Variants in VPS54 observed in about 807,000 individuals in gnomAD.
VPS54 encodes the protein vacuolar protein sorting-associated protein 54.
VPS54 carries 45 observed loss-of-function variants against 121.5 expected under a neutral mutation model. That is an observed-to-expected ratio of 0.37 (90% CI 0.29 to 0.47). VPS54 has a LOEUF of 0.47. VPS54 is among the 20% of genes least tolerant of loss of function. The pLI is 0.99. For missense variants in VPS54, 1,090 were observed against 1,131.4 expected (o/e 0.96, Z 0.52); for synonymous variants, 371 against 385.8 (o/e 0.96, Z 0.45).
At position 63,949,175 on chromosome 2, in the gene VPS54, G is replaced by T; in HGVS notation, c.1011-12C>A. The T allele has an allele frequency of 6.3e-7, 1 of 1,599,250 alleles. No individual in the cohort carries two copies. Among genetic ancestry groups the T allele is most frequent in the Non-Finnish European group, 8.5e-7 (1 of 1,176,604 alleles). ...GTGATCCCAAATGCCTAAAAAGGAA[G>T]AGAAAAATGTTATATTTATATTCAC... On this transcript the variant is annotated splice_polypyrimidine_tract_variant and intron_variant, in intron 7 of 22. Transcript: ENST00000272322.
At chr2:63,932,595 T>C (rs1283564190) in intron 12 of VPS54, among the ~76,000 whole-genome samples, 3 of 151,566 alleles carry the variant, frequency 2.0e-5, no homozygotes, top group African/African-American at 7.3e-5. Context: ...CCATGGCACA[T>C]GTATACCTAT....
chr2:63,979,303 G>T (rs146083338), intron 3 of VPS54, among the ~76,000 whole-genome samples: 2 of 149,638 alleles, frequency 1.3e-5, no homozygotes, highest in East Asian at 2.0e-4. Flanking sequence ...GCAATGGTGC[G>T]ATCTCGGCTC....
intron 3 of VPS54, among the ~76,000 whole-genome samples, chr2:63,976,025 C>A (rs545859624): frequency 1.3e-5 from 2 of 152,138 alleles, no homozygotes; most frequent in African/African-American, 4.8e-5. Flanking sequence ...CCGACACGCC[C>A]GGTACATTCT....
chr2:64,007,915 C>A (rs1450966189), intron 1 of VPS54, among the ~76,000 whole-genome samples: 1 of 151,490 alleles, frequency 6.6e-6, no homozygotes, highest in Non-Finnish European at 1.5e-5. Context: ...AGAACAGTTT[C>A]AGGACAGTGG....
At chr2:64,002,204 C>T (rs1025300205) in intron 1 of VPS54, among the ~76,000 whole-genome samples, 19 of 152,208 alleles carry the variant, frequency 1.2e-4, no homozygotes, top group Admixed American at 1.0e-3. Context: ...CACATAGTCG[C>T]TGCATGGGGG....
At position 63,939,707 on chromosome 2, in the gene VPS54, TA is replaced by T. The variant is rs965506907; in HGVS notation, c.1398+2757del. 1.1e-4 allele frequency among the ~76,000 whole-genome samples: 16 copies of T among 151,136 alleles called. No individual in the cohort carries two copies. The South Asian group carries it at 2.3e-3, about 22-fold the overall frequency. On this transcript the variant is annotated intron_variant, in intron 11 of 22. Coordinates refer to ENST00000272322, the MANE Select transcript of VPS54 (RefSeq NM_016516.3). Reference sequence around the variant, plus strand: ...CCTTGTTCTAGGAAGATAAAAGGGTTAAAAAAAATTCTTTTTGACATAGCTG... The same window carrying T: ...CCTTGTTCTAGGAAGATAAAAGGGTTAAAAAAATTCTTTTTGACATAGCTG...
chr2:63,926,376 A>G (rs1037868750), intron 12 of VPS54, among the ~76,000 whole-genome samples: 2 of 152,224 alleles, frequency 1.3e-5, no homozygotes, highest in Admixed American at 1.3e-4. Context: ...ACACAGAAGA[A>G]ACTTTATTAA....
intron 2 of VPS54, 70 bp downstream of exon 2, chr2:63,983,794 A>G (rs1329399044): frequency 8.0e-6 from 12 of 1,509,348 alleles, no homozygotes; most frequent in Non-Finnish European, 1.1e-5. Context: ...GTTGGTATAT[A>G]AAACCTGACT....
At chr2:63,992,292 G>C (rs982785193) in intron 1 of VPS54, among the ~76,000 whole-genome samples, 2 of 152,134 alleles carry the variant, frequency 1.3e-5, no homozygotes, top group African/African-American at 2.4e-5. Context: ...ACACATTCAA[G>C]GAAAAAAGTT....
At chr2:64,011,171 C>T (rs1407602548) in intron 1 of VPS54, among the ~76,000 whole-genome samples, 1 of 152,028 alleles carries the variant, frequency 6.6e-6, no homozygotes, top group African/African-American at 2.4e-5. Context: ...TCATAAATAT[C>T]CTCATAAAAT....
intron 22 of VPS54, among the ~76,000 whole-genome samples, chr2:63,894,048 G>A (rs1672336724): frequency 6.6e-6 from 1 of 152,132 alleles, no homozygotes; most frequent in African/African-American, 2.4e-5. Flanking sequence ...AGTCACAGAT[G>A]AAAACACCTG....
At chr2:63,965,623 G>GT (rs1362134286) in intron 6 of VPS54, among the ~76,000 whole-genome samples, 1 of 152,150 alleles carries the variant, frequency 6.6e-6, no homozygotes, top group Non-Finnish European at 1.5e-5. Flanking sequence ...CACTCAAATA[G>GT]TAAGTTTTTC....
In VPS54 at chr2:63,908,466, T is replaced by G. The variant is rs529816427; in HGVS notation, c.2625+3879A>C. On this transcript the variant is annotated intron_variant, in intron 20 of 22. Transcript: ENST00000272322. The stretch of plus-strand genomic sequence containing the variant: ...GAGAATGCTTACCAATGATGTTCTA[T>G]AACTTGCAGTTATACTATCTGTATT... Among the ~76,000 whole-genome samples the G allele has an allele frequency of 5.3e-5, 8 of 152,286 alleles. 2 individuals are homozygous for G. Among genetic ancestry groups the G allele is most frequent in the African/African-American group, 1.7e-4 (7 of 41,552 alleles).
chr2:63,934,136 T>A lies in VPS54; in HGVS notation c.1399-123A>T, dbSNP rs1575927238. On this transcript the variant is annotated intron_variant, in intron 11 of 22. Transcript: ENST00000272322. ...ATCATAAATGAGTCAAAGTCATGTA[T>A]ATCAGAATTTCTACCGATCTTTTAT... 15 of 806,964 alleles carry A rather than the reference T, an allele frequency of 1.9e-5. No homozygotes were observed. In the East Asian group the frequency reaches 4.0e-4, roughly 22 times the overall value. The allele number at this position is 806,964 out of a possible 1,614,324, so 50.0% of individuals were successfully genotyped here.
chr2:63,998,673 G>T (rs1020473049), intron 1 of VPS54, among the ~76,000 whole-genome samples: 1 of 152,008 alleles, frequency 6.6e-6, no homozygotes, highest in Non-Finnish European at 1.5e-5. Flanking sequence ...TAGGCAAAAA[G>T]AAAACTAATA....
chr2:63,926,569 G>T (rs767414094), intron 12 of VPS54, among the ~76,000 whole-genome samples: 21 of 152,164 alleles, frequency 1.4e-4, no homozygotes, highest in Non-Finnish European at 2.8e-4. Context: ...CAGCGAGATC[G>T]ACGCAGAAGA....
chr2:63,965,630 T>A (rs1453198913), intron 6 of VPS54, among the ~76,000 whole-genome samples: 1 of 152,240 alleles, frequency 6.6e-6, no homozygotes, highest in Admixed American at 6.5e-5. Flanking sequence ...ATAGTAAGTT[T>A]TTCCTTGTTC....
intron 1 of VPS54, among the ~76,000 whole-genome samples, chr2:64,011,593 A>G (rs1678435751): frequency 6.6e-6 from 1 of 152,046 alleles, no homozygotes; most frequent in Non-Finnish European, 1.5e-5. Flanking sequence ...ATTAAGGGTC[A>G]CAGGCCTGGA....
At chr2:63,907,518 CAA>C (rs113824223) in intron 20 of VPS54, among the ~76,000 whole-genome samples, 35 of 89,464 alleles carry the variant, frequency 3.9e-4, no homozygotes, top group Non-Finnish European at 3.9e-4. Context: ...AACTCCATCT[CAA>C]AAAAAAAAAA....
Sources: allele counts gnomAD v4.1 joint callset (sites outside exome capture counted in the v4.1 genomes callset), GRCh38; gene constraint gnomAD v4.1.1; transcripts MANE v1.5; gene names NCBI Gene and HGNC (gene_info 2026-07-23, HGNC 2026-07-21).